The following TNFSF15 variants were observed in gnomAD, a reference collection of about 807,000 sequenced individuals.
TNFSF15 encodes the protein TNF superfamily member 15.
In TNFSF15, 15 loss-of-function variants were observed where a neutral mutation model predicts 26.4. That is an observed-to-expected ratio of 0.57 (90% CI 0.38 to 0.87). The LOEUF (loss-of-function observed/expected upper bound fraction) is 0.87. Ranked by LOEUF, TNFSF15 falls within the 40% of genes least tolerant of loss-of-function variation. The pLI is 0.00. For missense variants in TNFSF15, 290 were observed against 306.1 expected (o/e 0.95, Z 0.39); for synonymous variants, 116 against 115.0 (o/e 1.01, Z -0.06).
intron 3 of TNFSF15, chr9:114,792,056 C>A (rs983251889): frequency 3.9e-5 from 9 of 229,254 alleles, no homozygotes; most frequent in East Asian, 9.8e-5. Flanking sequence ...GCCTTTGGAA[C>A]CCCCCCACAG....
In TNFSF15 at chr9:114,790,697, G is replaced by T; in HGVS notation, c.511C>A (p.Pro171Thr). The change falls in exon 4 of 4, where the codon CCA becomes ACA. Residue 171 changes from proline to threonine, a missense_variant. By Grantham distance (38) the Pro-to-Thr change is conservative. This residue lies in a region of TNFSF15 where 102 missense variants were observed against 114.7 expected (regional missense o/e 0.89). Coordinates refer to ENST00000374045, the MANE Select transcript of TNFSF15 (RefSeq NM_005118.4). ...ACAGTGATGGAGTCTGGCTTGTTTG[G>T]TCGGCCTGCTTGTCTGATTTCACTG... ...ECSEIRQAGR[P>T]NKPDSITVVI... 1.9e-6 allele frequency: 3 copies of T among 1,614,076 alleles called. No individual in the cohort carries two copies. Among genetic ancestry groups the T allele is most frequent in the African/African-American group, 1.3e-5 (1 of 75,008 alleles).
chr9:114,790,324 AC>A lies in TNFSF15; in HGVS notation c.*127del. 2 of 931,464 alleles carry A rather than the reference AC, an allele frequency of 2.1e-6. No individual in the cohort carries two copies. Among genetic ancestry groups the A allele is most frequent in the Non-Finnish European group, 3.2e-6 (2 of 620,176 alleles). 57.7% of individuals were successfully genotyped at this position (931,464 alleles called of 1,614,324 possible). ...TTTGGGCCCCAAATTTCATAGCTAA[AC>A]CGTTGTCCCTGTGGAATGCCCCCTA... On this transcript the variant is annotated 3_prime_UTR_variant, in exon 4 of 4. Coordinates refer to ENST00000374045, the MANE Select transcript of TNFSF15 (RefSeq NM_005118.4).
In TNFSF15 at chr9:114,790,222, A is replaced by G. The variant is rs550717522; in HGVS notation, c.*230T>C. On this transcript the variant is annotated 3_prime_UTR_variant, in exon 4 of 4. Transcript: ENST00000374045. Reference sequence around the variant, plus strand: ...TAGAAACTCGCCAATCCTCCAACCCATCTTAATAATATATTTGCTCTCTTC... The same window carrying G: ...TAGAAACTCGCCAATCCTCCAACCCGTCTTAATAATATATTTGCTCTCTTC... 2.3e-6 allele frequency: 1 copy of G among 440,588 alleles called. No individual in the cohort carries two copies. The highest frequency in any genetic ancestry group is 4.0e-6 in the Non-Finnish European group (1 of 248,646). The allele number at this position is 440,588 out of a possible 1,614,324, so 27.3% of individuals were successfully genotyped here.
chr9:114,791,045 A>G, intron 3 of TNFSF15, 139 bp from the exon 4 acceptor site: 1 of 751,204 alleles, frequency 1.3e-6, no homozygotes, highest in South Asian at 1.8e-5. Flanking sequence ...GGGAGGAATG[A>G]ATGAAGAATA....
Position 114,789,787 on chromosome 9 carries a change from C to G in TNFSF15, c.*665G>C, listed in dbSNP as rs1350116499. On this transcript the variant is annotated 3_prime_UTR_variant, in exon 4 of 4. Transcript: ENST00000374045. ...AGAAAACTCTACTGAATACAAGCAA[C>G]TGTTGTATTTTTGATATACATGTGA... The G allele has an allele frequency of 3.9e-5, 6 of 152,336 alleles. No individual in the cohort carries two copies. The highest frequency in any genetic ancestry group is 1.4e-4 in the African/African-American group (6 of 41,452). 9.4% of individuals were successfully genotyped at this position (152,336 alleles called of 1,614,324 possible). A position where few individuals can be genotyped will look rare whatever the true frequency, so the allele number is the denominator to read the frequency against.
Position 114,790,251 on chromosome 9 carries a change from C to T in TNFSF15, c.*201G>A. On this transcript the variant is annotated 3_prime_UTR_variant, in exon 4 of 4. Coordinates refer to ENST00000374045, the MANE Select transcript of TNFSF15 (RefSeq NM_005118.4). ...TAATAATATATTTGCTCTCTTCAGC[C>T]TTTTTCCAGTTAGTACTCTCATCAG... is the stretch of plus-strand genomic sequence containing the variant. 1.9e-6 allele frequency: 1 copy of T among 519,728 alleles called. No homozygotes were observed. The highest frequency in any genetic ancestry group is 3.4e-6 in the Non-Finnish European group (1 of 296,704). The allele number at this position is 519,728 out of a possible 1,614,324, so 32.2% of individuals were successfully genotyped here.
Position 114,804,036 on chromosome 9 carries a change from T to G in TNFSF15, c.210+1767A>C, listed in dbSNP as rs947659979. On this transcript the variant is annotated intron_variant, in intron 1 of 3. Coordinates refer to ENST00000374045, the MANE Select transcript of TNFSF15 (RefSeq NM_005118.4). ...AGCTGTTTCTTTTCAGGACCCTGAT[T>G]GCTACATGAGCCCAGCCTCACCCCC... Among the ~76,000 whole-genome samples the G allele has an allele frequency of 9.2e-5, 14 of 152,352 alleles. No individual in the cohort carries two copies. In the Middle Eastern group the frequency reaches 0.014, roughly 148 times the overall value.
chr9:114,794,593 C>A (rs904367580), intron 1 of TNFSF15, among the ~76,000 whole-genome samples: 7 of 151,900 alleles, frequency 4.6e-5, no homozygotes, highest in South Asian at 2.1e-4. Context: ...AGACTATTCA[C>A]AATAGTAGAG....
rs1034198109 is a variant in TNFSF15, at chr9:114,788,010, A to G, written c.*2442T>C. On this transcript the variant is annotated 3_prime_UTR_variant, in exon 4 of 4. Coordinates refer to ENST00000374045, the MANE Select transcript of TNFSF15 (RefSeq NM_005118.4). ...CTGTGCAAAACTCCTCCTGCATACC[A>G]AAGCTGCTTGGTGCTCTCACGCACC... The G allele has an allele frequency of 2.5e-4, 39 of 153,724 alleles. No individual in the cohort carries two copies. Among genetic ancestry groups the G allele is most frequent in the Non-Finnish European group, 1.5e-5 (1 of 68,058 alleles). The allele number at this position is 153,724 out of a possible 1,614,324, so 9.5% of individuals were successfully genotyped here.
intron 1 of TNFSF15, among the ~76,000 whole-genome samples, chr9:114,805,462 C>G (rs907498302): frequency 5.9e-5 from 9 of 152,058 alleles, no homozygotes; most frequent in African/African-American, 1.9e-4. Context: ...TATTTTCTAA[C>G]TTTTTTCAAT....
Position 114,789,633 on chromosome 9 carries a change from T to C in TNFSF15, c.*819A>G, listed in dbSNP as rs1829561205. On this transcript the variant is annotated 3_prime_UTR_variant, in exon 4 of 4. Coordinates refer to ENST00000374045, the MANE Select transcript of TNFSF15 (RefSeq NM_005118.4). The stretch of plus-strand genomic sequence containing the variant: ...CTGGCCAAGACTTGGAGTTATTCTT[T>C]AGAGTATGTTGACTGATGTTTGATC... The C allele has an allele frequency of 6.6e-6, 1 of 152,196 alleles. No homozygotes were observed. Among genetic ancestry groups the C allele is most frequent in the South Asian group, 2.1e-4 (1 of 4,830 alleles). 9.4% of individuals were successfully genotyped at this position (152,196 alleles called of 1,614,324 possible).
chr9:114,798,374 T>G (rs536743258), intron 1 of TNFSF15, among the ~76,000 whole-genome samples: 24 of 147,606 alleles, frequency 1.6e-4, no homozygotes, highest in African/African-American at 5.2e-4. Context: ...TGATTTTTGT[T>G]TTTTTTTTTG....
In TNFSF15 at chr9:114,805,995, TC is replaced by T. The variant is rs1829818653; in HGVS notation, c.17del (p.Gly6AspfsTer2). 4 of 1,613,800 alleles carry T rather than the reference TC, an allele frequency of 2.5e-6. No individual in the cohort carries two copies. Among genetic ancestry groups the T allele is most frequent in the Non-Finnish European group, 1.7e-6 (2 of 1,179,966 alleles). On this transcript the variant is annotated frameshift_variant, in exon 1 of 4. Coordinates refer to ENST00000374045, the MANE Select transcript of TNFSF15 (RefSeq NM_005118.4). LOFTEE classifies it high-confidence loss of function. The stretch of plus-strand genomic sequence containing the variant: ...CACTGGCTGTTTCCCCAAAGCTCAG[TC>T]CCAGATCCTCGGCCATGCTCCTGCT... MAEDL[G>X]LSFGETASVE... is the part of the protein sequence containing the mutation.
At position 114,786,260 on chromosome 9, in the gene TNFSF15, A is replaced by C. The variant is rs963903256; in HGVS notation, c.*4192T>G. 1.3e-5 allele frequency: 2 copies of C among 152,272 alleles called. No homozygotes were observed. The highest frequency in any genetic ancestry group is 4.8e-5 in the African/African-American group (2 of 41,474). The allele number at this position is 152,272 out of a possible 1,614,324, so 9.4% of individuals were successfully genotyped here. On this transcript the variant is annotated 3_prime_UTR_variant, in exon 4 of 4. Coordinates refer to ENST00000374045, the MANE Select transcript of TNFSF15 (RefSeq NM_005118.4). ...GGGCCATAGGAAAGCCAGAAATCTT[A>C]AGGCAAGAGATGTTTGCATGTGTTT...
intron 3 of TNFSF15, 64 bp downstream of exon 3, chr9:114,792,343 G>C: frequency 6.3e-7 from 1 of 1,578,516 alleles, no homozygotes; most frequent in East Asian, 2.2e-5. Flanking sequence ...TTTTGGTAAA[G>C]TGCTGAAAGA....
At chr9:114,799,500 G>A (rs1307918860) in intron 1 of TNFSF15, among the ~76,000 whole-genome samples, 2 of 152,192 alleles carry the variant, frequency 1.3e-5, no homozygotes, top group Non-Finnish European at 2.9e-5. Flanking sequence ...GGAGGCATCT[G>A]CTTTTCCCCA....
Position 114,790,260 on chromosome 9 carries a change from G to GTTAGTACTC in TNFSF15, c.*183_*191dup. On this transcript the variant is annotated 3_prime_UTR_variant, in exon 4 of 4. Coordinates refer to ENST00000374045, the MANE Select transcript of TNFSF15 (RefSeq NM_005118.4). ...ATTTGCTCTCTTCAGCCTTTTTCCA[G>GTTAGTACTC]TTAGTACTCTCATCAGTAAGGCACA... 1.8e-6 allele frequency: 1 copy of GTTAGTACTC among 542,398 alleles called. No homozygotes were observed. The allele number at this position is 542,398 out of a possible 1,614,324, so 33.6% of individuals were successfully genotyped here.
chr9:114,785,596 G>C lies in TNFSF15; in HGVS notation c.*4856C>G, dbSNP rs980498493. 7 of 152,196 alleles carry C rather than the reference G, an allele frequency of 4.6e-5. No individual in the cohort carries two copies. Among genetic ancestry groups the C allele is most frequent in the African/African-American group, 1.7e-4 (7 of 41,458 alleles). The allele number at this position is 152,196 out of a possible 1,614,324, so 9.4% of individuals were successfully genotyped here. A position where few individuals can be genotyped will look rare whatever the true frequency, so the allele number is the denominator to read the frequency against. On this transcript the variant is annotated 3_prime_UTR_variant, in exon 4 of 4. Transcript: ENST00000374045. ...CCCTTGTGACAAGCCCTTTGTTTGA[G>C]TATCTCCAGGGACTGAGAAATAGCA...
chr9:114,791,395 A>T (rs1829595844), intron 3 of TNFSF15: 2 of 184,468 alleles, frequency 1.1e-5, no homozygotes, highest in Non-Finnish European at 2.6e-5. Flanking sequence ...CCCATTCATC[A>T]ATTGGAACAA....
Sources: gnomAD v4.1 joint callset for allele counts (sites outside exome capture counted in the v4.1 genomes callset) on GRCh38, gnomAD v4.1.1 for gene constraint, gnomAD v4.1.1 regional missense constraint, MANE v1.5 for transcripts, NCBI Gene and HGNC (gene_info 2026-07-23, HGNC 2026-07-21) for gene names.